Variants in FERMT2 observed in about 807,000 individuals in gnomAD.
FERMT2 encodes the protein fermitin family homolog 2.
Under a neutral mutation model 82.7 loss-of-function variants are expected in FERMT2, and 15 were observed. That is an observed-to-expected ratio of 0.18 (90% CI 0.12 to 0.28). The LOEUF is 0.28. FERMT2 is among the 10% of genes least tolerant of loss of function. The probability of loss-of-function intolerance (pLI) is 1.00; values close to 1 mark genes in which losing one functional copy is unlikely to be tolerated. For synonymous variants in FERMT2, 274 were observed against 271.5 expected (o/e 1.01, Z -0.09); for missense variants, 645 against 809.4 (o/e 0.80, Z 2.46).
rs574443565 is a variant in FERMT2 at position 52,894,833 on chromosome 14, TTAGA to T, written c.392-1410_392-1407del. 1.7e-4 allele frequency among the ~76,000 whole-genome samples: 26 copies of T among 151,382 alleles called. No homozygotes were observed. In the South Asian group the frequency reaches 4.0e-3, roughly 23 times the overall value. The stretch of plus-strand genomic sequence containing the variant: ...GAAAGCATAAGACGACAAAGATTTC[TTAGA>T]TAGGACACACAAAAAAGGAACCACA... On this transcript the variant is annotated intron_variant, in intron 3 of 14. Transcript: ENST00000341590.
chr14:52,924,334 A>C (rs1185471984), intron 2 of FERMT2, among the ~76,000 whole-genome samples: 1 of 152,202 alleles, frequency 6.6e-6, no homozygotes, highest in Non-Finnish European at 1.5e-5. Flanking sequence ...CCTGATTGGC[A>C]TTAGAATCAT....
chr14:52,858,420 A>G lies in FERMT2; in HGVS notation c.2000T>C (p.Leu667Ser), dbSNP rs1252581951. Residue 667 changes from leucine (L) to serine (S), a missense_variant, in exon 15 of 15, where the codon TTA becomes TCA. Leu to Ser is a moderately radical substitution (Grantham distance 145). Transcript: ENST00000341590. ...STRAKDQNES[L>S]DEEMFYKLTS... Reference sequence around the variant, plus strand: ...AAGTTTGTAGAACATCTCTTCATCTAAACTCTCGTTTTGGTCTTTTGCACG... The same window carrying G: ...AAGTTTGTAGAACATCTCTTCATCTGAACTCTCGTTTTGGTCTTTTGCACG... The G allele has an allele frequency of 6.2e-7, 1 of 1,614,152 alleles. No homozygotes were observed. Among genetic ancestry groups the G allele is most frequent in the South Asian group, 1.1e-5 (1 of 91,082 alleles).
At chr14:52,885,710 A>G (rs937679803) in intron 4 of FERMT2, among the ~76,000 whole-genome samples, 2 of 152,220 alleles carry the variant, frequency 1.3e-5, no homozygotes, top group African/African-American at 2.4e-5. Flanking sequence ...ATATTGCTAT[A>G]TTTTAACACA....
chr14:52,947,941 T>C (rs1890438021), intron 2 of FERMT2, among the ~76,000 whole-genome samples: 1 of 152,206 alleles, frequency 6.6e-6, no homozygotes, highest in African/African-American at 2.4e-5. Context: ...TAAAATATAA[T>C]GCTTTTGGTA....
At chr14:52,907,123 C>T (rs528439239) in intron 3 of FERMT2, among the ~76,000 whole-genome samples, 1 of 152,258 alleles carries the variant, frequency 6.6e-6, no homozygotes, top group East Asian at 1.9e-4. Context: ...AGCGATCCTC[C>T]CCGCTTAACC....
intron 10 of FERMT2, 40 bp downstream of exon 10, chr14:52,872,759 G>C: frequency 6.2e-7 from 1 of 1,608,344 alleles, no homozygotes. Flanking sequence ...GGCCAATGGG[G>C]ATGCCACCAT....
intron 2 of FERMT2, among the ~76,000 whole-genome samples, chr14:52,945,249 T>G (rs570100988): frequency 6.8e-4 from 103 of 151,998 alleles, no homozygotes; most frequent in African/African-American, 2.4e-3. Context: ...TGTTGTTTTT[T>G]TTTTGTGGGT....
intron 4 of FERMT2, among the ~76,000 whole-genome samples, chr14:52,886,030 A>G (rs1886582264): frequency 6.6e-6 from 1 of 152,140 alleles, no homozygotes; most frequent in South Asian, 2.1e-4. Context: ...AATATCACTA[A>G]AAGCAAAAAT....
intron 6 of FERMT2, 51 bp downstream of exon 6, chr14:52,880,985 A>G (rs776808127): frequency 8.4e-7 from 1 of 1,195,396 alleles, no homozygotes; most frequent in East Asian, 2.4e-5. Flanking sequence ...ATCCATGTGA[A>G]CAAAACAAAT....
Position 52,864,439 on chromosome 14 carries a change from C to T in FERMT2, c.1564G>A (p.Val522Met), listed in dbSNP as rs567338870. The change falls in exon 12 of 15, where the codon GTG becomes ATG. Residue 522 changes from valine (V) to methionine (M), a missense_variant. Physicochemically the swap from Val to Met is conservative, Grantham distance 21 (BLOSUM62 1). Transcript: ENST00000341590. The part of the protein sequence containing the change: ...ITTDITPECL[V>M]SPRYLKKYKN... Reference sequence around the variant, plus strand: ...TACTTTTTTAGATAGCGGGGAGACACCAAACATTCAGGAGTTATATCAGTC... The same window carrying T: ...TACTTTTTTAGATAGCGGGGAGACATCAAACATTCAGGAGTTATATCAGTC... 227 of 1,614,030 alleles carry T rather than the reference C, an allele frequency of 1.4e-4. 3 individuals carry two copies. The South Asian group carries it at 2.3e-3, about 17-fold the overall frequency.
Position 52,948,700 on chromosome 14 carries a change from A to C in FERMT2, c.157+1712T>G, listed in dbSNP as rs536559134. The C allele has an allele frequency of 7.3e-6, 3 of 412,146 alleles. No homozygotes were observed. The Admixed American group carries it at 9.1e-5, about 12-fold the overall frequency. The allele number at this position is 412,146 out of a possible 1,614,324, so 25.5% of individuals were successfully genotyped here. ...TTCTATTTATTACTGTGATTCTATA[A>C]TAAACAGTCCTAAGCAATGCAAAAT... is the stretch of plus-strand genomic sequence containing the variant. On this transcript the variant is annotated intron_variant, in intron 2 of 14. Coordinates refer to ENST00000341590, the MANE Select transcript of FERMT2 (RefSeq NM_006832.3).
intron 2 of FERMT2, among the ~76,000 whole-genome samples, chr14:52,949,722 A>G (rs567479315): frequency 5.0e-4 from 76 of 152,356 alleles, no homozygotes; most frequent in Non-Finnish European, 8.7e-4. Context: ...TCAAGCAAAC[A>G]CCGTCAACCT....
rs937365347 is a variant in FERMT2, at chr14:52,864,390, G to A, written c.1602+11C>T. 2 of 1,587,932 alleles carry A rather than the reference G, an allele frequency of 1.3e-6. No homozygotes were observed. The highest frequency in any genetic ancestry group is 2.7e-5 in the African/African-American group (2 of 74,386). ...ACCAGCACAGTAGATGAAGTAAAATGAAGTAAGTACCTGCTTGTTCTTATA... is the reference window on the plus strand; with the variant it reads ...ACCAGCACAGTAGATGAAGTAAAATAAAGTAAGTACCTGCTTGTTCTTATA... On this transcript the variant is annotated intron_variant, in intron 12 of 14. Coordinates refer to ENST00000341590, the MANE Select transcript of FERMT2 (RefSeq NM_006832.3).
intron 2 of FERMT2, among the ~76,000 whole-genome samples, chr14:52,940,653 C>T (rs1890049468): frequency 6.6e-6 from 1 of 152,160 alleles, no homozygotes; most frequent in South Asian, 2.1e-4. Flanking sequence ...TCCAAAGAGA[C>T]AGGAACAAAC....
At chr14:52,917,049 A>T (rs1325392398) in intron 3 of FERMT2, among the ~76,000 whole-genome samples, 1 of 152,242 alleles carries the variant, frequency 6.6e-6, no homozygotes, top group Non-Finnish European at 1.5e-5. Context: ...ACGGGTTTTC[A>T]TACATTGCTA....
chr14:52,876,286 T>C (rs1304905719), intron 7 of FERMT2, among the ~76,000 whole-genome samples: 1 of 152,210 alleles, frequency 6.6e-6, no homozygotes, highest in African/African-American at 2.4e-5. Context: ...TGTGCTGAAA[T>C]GAGATCTTAC....
intron 3 of FERMT2, among the ~76,000 whole-genome samples, chr14:52,906,621 A>G (rs767843916): frequency 3.0e-4 from 45 of 152,168 alleles, no homozygotes; most frequent in Non-Finnish European, 6.0e-4. Context: ...CATATGTTTA[A>G]GAAACTAGAG....
chr14:52,909,554 G>C lies in FERMT2; in HGVS notation c.391+9569C>G, dbSNP rs7147375. Among the ~76,000 whole-genome samples, 1,105 of 151,698 alleles carry C rather than the reference G, an allele frequency of 7.3e-3. 5 individuals carry two copies. Among genetic ancestry groups the C allele is most frequent in the African/African-American group, 0.025 (1,016 of 41,320 alleles). ...TGTAATCCCAGCACTTTGGGAGGCT[G>C]AGGCAGGTAGATCACTTGAGGTCAG... is the stretch of plus-strand genomic sequence containing the variant. On this transcript the variant is annotated intron_variant, in intron 3 of 14. Transcript: ENST00000341590.
chr14:52,931,824 T>TA (rs1453981423), intron 2 of FERMT2, among the ~76,000 whole-genome samples: 1 of 152,136 alleles, frequency 6.6e-6, no homozygotes, highest in Non-Finnish European at 1.5e-5. Flanking sequence ...GGTCAGGAGA[T>TA]AGAGACCATT....
Sources: allele counts gnomAD v4.1 joint callset (sites outside exome capture counted in the v4.1 genomes callset), GRCh38; gene constraint gnomAD v4.1.1; transcripts MANE v1.5; gene names NCBI Gene and HGNC (gene_info 2026-07-23, HGNC 2026-07-21).